LRRC69: variants seen among roughly 807,000 people sequenced by gnomAD.
LRRC69 encodes leucine-rich repeat-containing protein 69.
LRRC69 carries 42 observed loss-of-function variants against 37.8 expected under a neutral mutation model. The observed-to-expected ratio is 1.11, with a 90% CI of 0.87 to 1.44. The LOEUF (loss-of-function observed/expected upper bound fraction) is 1.44. Ranked by LOEUF, LRRC69 falls within the 40% of genes most tolerant of loss-of-function variation. The pLI is 0.00. For synonymous variants in LRRC69, 141 were observed against 143.1 expected, an observed-to-expected ratio of 0.99 and a Z score of 0.11; for missense variants, 357 against 401.9, an observed-to-expected ratio of 0.89 and a Z score of 0.96.
At chr8:91,146,102 T>A (rs1438963512) in intron 5 of LRRC69, among the ~76,000 whole-genome samples, 5 of 151,856 alleles carry the variant, frequency 3.3e-5, no homozygotes, top group African/African-American at 1.2e-4. Context: ...CCTGAATGCC[T>A]ATAAAATGTA....
chr8:91,126,487 A>G (rs1813715222), intron 2 of LRRC69, among the ~76,000 whole-genome samples: 2 of 152,062 alleles, frequency 1.3e-5, no homozygotes, highest in African/African-American at 4.8e-5. Flanking sequence ...TTTAAAAAAG[A>G]AAGATTTAGC....
At chr8:91,124,964 T>G (rs1813693285) in intron 2 of LRRC69, among the ~76,000 whole-genome samples, 1 of 151,898 alleles carries the variant, frequency 6.6e-6, no homozygotes. Context: ...TGTAGCTTTG[T>G]TCTTTTCACT....
chr8:91,207,704 A>T (rs1429700386), intron 7 of LRRC69, among the ~76,000 whole-genome samples: 2 of 152,246 alleles, frequency 1.3e-5, no homozygotes, highest in African/African-American at 4.8e-5. Context: ...TATTGTGCAA[A>T]TATAAATTGC....
chr8:91,171,600 G>T (rs749542174), intron 5 of LRRC69, among the ~76,000 whole-genome samples: 13 of 151,954 alleles, frequency 8.6e-5, no homozygotes, highest in Non-Finnish European at 1.9e-4. Context: ...AATATTTTTA[G>T]CCCTGGGAAG....
At chr8:91,141,254 A>G (rs1808529008) in intron 5 of LRRC69, among the ~76,000 whole-genome samples, 1 of 152,084 alleles carries the variant, frequency 6.6e-6, no homozygotes, top group Non-Finnish European at 1.5e-5. Flanking sequence ...CTATAGCAAA[A>G]TATCACAAAC....
chr8:91,144,976 A>G (rs1163394803), intron 5 of LRRC69, among the ~76,000 whole-genome samples: 3 of 152,002 alleles, frequency 2.0e-5, no homozygotes, highest in African/African-American at 7.2e-5. Flanking sequence ...ATATGTGCAC[A>G]TACAGACAAG....
chr8:91,102,649 CT>C (rs2130465826), upstream of LRRC69: 2 of 1,541,952 alleles, frequency 1.3e-6, no homozygotes, highest in African/African-American at 1.4e-5. Flanking sequence ...TTTTCTACTT[CT>C]TTTCCAAGAT....
chr8:91,149,087 A>C (rs990767615), intron 5 of LRRC69, among the ~76,000 whole-genome samples: 3 of 151,624 alleles, frequency 2.0e-5, no homozygotes, highest in Non-Finnish European at 4.4e-5. Flanking sequence ...CTTTAGTTTA[A>C]TTAGATCCCA....
intron 7 of LRRC69, among the ~76,000 whole-genome samples, chr8:91,212,976 C>T (rs948655990): frequency 6.6e-6 from 1 of 152,166 alleles, no homozygotes; most frequent in Admixed American, 6.5e-5. Context: ...GGAGAACTCT[C>T]CCTTTTGTTC....
At chr8:91,109,212 T>A (rs1231841122) in intron 1 of LRRC69, among the ~76,000 whole-genome samples, 1 of 152,034 alleles carries the variant, frequency 6.6e-6, no homozygotes, top group Non-Finnish European at 1.5e-5. Flanking sequence ...TATATTAAGG[T>A]CTCTTGAACC....
chr8:91,170,456 G>A (rs1313550230), intron 5 of LRRC69, among the ~76,000 whole-genome samples: 1 of 133,632 alleles, frequency 7.5e-6, no homozygotes, highest in Non-Finnish European at 1.6e-5. Context: ...CCAATCCTAA[G>A]CCAAAAGAAC....
chr8:91,146,534 T>TTCTG (rs1554591716), intron 5 of LRRC69, among the ~76,000 whole-genome samples: 1 of 150,824 alleles, frequency 6.6e-6, no homozygotes, highest in East Asian at 2.0e-4. Flanking sequence ...TTTAGATGAT[T>TTCTG]TCTCTCTCCC....
intron 5 of LRRC69, among the ~76,000 whole-genome samples, chr8:91,153,016 A>C (rs1423720467): frequency 6.6e-6 from 1 of 151,414 alleles, no homozygotes; most frequent in Non-Finnish European, 1.5e-5. Context: ...GGCTCAAAAT[A>C]AAGGGATGGA....
chr8:91,132,765 C>T (rs775803151), intron 3 of LRRC69, among the ~76,000 whole-genome samples: 1 of 151,922 alleles, frequency 6.6e-6, no homozygotes. Flanking sequence ...GATCTATATA[C>T]ATAGGTATGT....
chr8:91,150,762 A>C (rs985411664), intron 5 of LRRC69, among the ~76,000 whole-genome samples: 4 of 151,496 alleles, frequency 2.6e-5, no homozygotes, highest in African/African-American at 7.3e-5. Flanking sequence ...TCAATTTCAG[A>C]GCCTGTTATT....
chr8:91,141,386 C>T (rs558809057), intron 5 of LRRC69, among the ~76,000 whole-genome samples: 17 of 152,170 alleles, frequency 1.1e-4, no homozygotes, highest in African/African-American at 4.1e-4. Flanking sequence ...ACTCTGTTTC[C>T]AAATAAAGTC....
At chr8:91,144,599 G>A (rs561020386) in intron 5 of LRRC69, among the ~76,000 whole-genome samples, 16 of 151,874 alleles carry the variant, frequency 1.1e-4, no homozygotes, top group African/African-American at 3.1e-4. Flanking sequence ...CACTTAACTC[G>A]TTGCCTACTA....
At chr8:91,104,433 A>G (rs1813272305) in intron 1 of LRRC69, among the ~76,000 whole-genome samples, 1 of 151,994 alleles carries the variant, frequency 6.6e-6, no homozygotes, top group Non-Finnish European at 1.5e-5. Context: ...AAATATTCAC[A>G]TGGAGTCAAT....
intron 1 of LRRC69, among the ~76,000 whole-genome samples, chr8:91,120,241 C>T (rs933288571): frequency 2.0e-5 from 3 of 152,042 alleles, no homozygotes; most frequent in African/African-American, 7.2e-5. Flanking sequence ...TATTTTGATG[C>T]TTTAATTTTG....
Sources: gnomAD v4.1 joint callset for allele counts (sites outside exome capture counted in the v4.1 genomes callset) on GRCh38, gnomAD v4.1.1 for gene constraint, MANE v1.5 for transcripts, NCBI Gene and HGNC (gene_info 2026-07-23, HGNC 2026-07-21) for gene names.